Variants in LDLRAD4 observed in about 807,000 individuals in gnomAD.
LDLRAD4 encodes the protein low density lipoprotein receptor class A domain containing 4.
In LDLRAD4, 5 loss-of-function variants were observed where a neutral mutation model predicts 17.0. That is an observed-to-expected ratio of 0.29 (90% CI 0.15 to 0.62). The LOEUF (loss-of-function observed/expected upper bound fraction) is 0.62. Among genes scored for constraint, LDLRAD4 ranks in the 20% least tolerant of loss-of-function variants. LDLRAD4 has a pLI of 0.84. For synonymous variants in LDLRAD4, 168 were observed against 171.8 expected (o/e 0.98, Z 0.17); for missense variants, 340 against 424.7 (o/e 0.80, Z 1.75).
At chr18:13,446,629 A>T (rs1395631750) in intron 3 of LDLRAD4, among the ~76,000 whole-genome samples, 1 of 152,196 alleles carries the variant, frequency 6.6e-6, no homozygotes, top group Admixed American at 6.5e-5. Flanking sequence ...ATGACCCAGA[A>T]GCCAGCTCTC....
chr18:13,281,793 A>G (rs894876733), intron 1 of LDLRAD4, among the ~76,000 whole-genome samples: 7 of 151,620 alleles, frequency 4.6e-5, no homozygotes, highest in Non-Finnish European at 8.8e-5. Context: ...CTCCTCCCGG[A>G]CCTCTGTCTA....
intron 3 of LDLRAD4, chr18:13,561,401 A>G (rs144471962): frequency 1.1e-4 from 17 of 152,336 alleles, no homozygotes; most frequent in African/African-American, 3.8e-4. Context: ...GCAACTCCTT[A>G]AGATCTTGCC....
At chr18:13,293,390 T>C (rs2046080323) in intron 1 of LDLRAD4, among the ~76,000 whole-genome samples, 1 of 152,208 alleles carries the variant, frequency 6.6e-6, no homozygotes, top group Non-Finnish European at 1.5e-5. Flanking sequence ...ATTTTATGGC[T>C]TCTGTTTCCC....
intron 4 of LDLRAD4, among the ~76,000 whole-genome samples, chr18:13,636,789 C>T (rs1037706948): frequency 2.0e-5 from 3 of 149,794 alleles, no homozygotes; most frequent in Non-Finnish European, 3.0e-5. Flanking sequence ...CGTAAACCAC[C>T]GCACCCAGCA....
chr18:13,407,058 TAAAC>T (rs898221773), intron 2 of LDLRAD4, among the ~76,000 whole-genome samples: 6 of 152,208 alleles, frequency 3.9e-5, no homozygotes, highest in African/African-American at 1.4e-4. Context: ...GACGGAATAG[TAAAC>T]AAAGTGCGTG....
At position 13,325,345 on chromosome 18, in the gene LDLRAD4, C is replaced by A. The variant is rs141953579; in HGVS notation, c.-383+47157C>A. Among the ~76,000 whole-genome samples the A allele has an allele frequency of 4.6e-4, 70 of 152,320 alleles. 2 individuals carry two copies. In the East Asian group the frequency reaches 0.012, roughly 26 times the overall value. On this transcript the variant is annotated intron_variant, in intron 1 of 5. Coordinates refer to ENST00000359446, the Ensembl canonical transcript of LDLRAD4. ...CAGAGCTTTGATCCCTCAAGGAAGA[C>A]GCAGAGTAGGATTTCAAGAGGTGGA...
intron 3 of LDLRAD4, among the ~76,000 whole-genome samples, chr18:13,609,518 CGTGT>C (rs755496113): frequency 6.8e-5 from 8 of 117,412 alleles, no homozygotes; most frequent in African/African-American, 2.6e-4. Context: ...GCTCATTATG[CGTGT>C]GTGTGTGCGT....
chr18:13,274,011 T>C (rs115825359), upstream of LDLRAD4, among the ~76,000 whole-genome samples: 366 of 152,272 alleles, frequency 2.4e-3, no homozygotes, highest in African/African-American at 8.3e-3. Context: ...GATGCCCCGA[T>C]GCCTGGTGCC....
At chr18:13,258,745 T>C (rs140914327) in intron 1 of LDLRAD4, among the ~76,000 whole-genome samples, 1 of 152,356 alleles carries the variant, frequency 6.6e-6, no homozygotes, top group East Asian at 1.9e-4. Flanking sequence ...TGATGTTTCT[T>C]CCTGGCTTAG....
intron 2 of LDLRAD4, among the ~76,000 whole-genome samples, chr18:13,412,204 A>G (rs2088437125): frequency 6.6e-6 from 1 of 152,208 alleles, no homozygotes. Flanking sequence ...GACAGTAGTC[A>G]GATCAGTGGC....
chr18:13,480,035 A>G (rs1193960356), intron 3 of LDLRAD4, among the ~76,000 whole-genome samples: 3 of 152,212 alleles, frequency 2.0e-5, no homozygotes, highest in Admixed American at 6.5e-5. Context: ...TAATCTTACC[A>G]TATGATCCAA....
chr18:13,490,686 A>C, intron 3 of LDLRAD4: 1 of 152,202 alleles, frequency 6.6e-6, no homozygotes, highest in South Asian at 2.1e-4. Flanking sequence ...ACTCTCTTCA[A>C]CCTTACCTCA....
At chr18:13,636,667 T>A (rs2042111366) in intron 4 of LDLRAD4, among the ~76,000 whole-genome samples, 1 of 151,964 alleles carries the variant, frequency 6.6e-6, no homozygotes, top group Non-Finnish European at 1.5e-5. Flanking sequence ...AGCTAAATTT[T>A]TTTTGTATTT....
intron 1 of LDLRAD4, among the ~76,000 whole-genome samples, chr18:13,263,374 A>G (rs539334245): frequency 4.6e-5 from 7 of 151,592 alleles, no homozygotes; most frequent in Non-Finnish European, 5.9e-5. Context: ...GTGCGACTCT[A>G]TGTGTGGGGC....
chr18:13,471,161 A>G (rs1316333710), intron 3 of LDLRAD4: 3 of 152,248 alleles, frequency 2.0e-5, no homozygotes, highest in Non-Finnish European at 4.4e-5. Context: ...TGGCCTTTCT[A>G]ACTGGCTTGT....
intron 1 of LDLRAD4, among the ~76,000 whole-genome samples, chr18:13,296,521 C>T (rs1328188462): frequency 6.6e-6 from 1 of 151,838 alleles, no homozygotes; most frequent in Non-Finnish European, 1.5e-5. Context: ...TTTTCCTTTT[C>T]CAGTAAGGAC....
intron 1 of LDLRAD4, among the ~76,000 whole-genome samples, chr18:13,335,250 A>T (rs954182772): frequency 1.3e-5 from 2 of 152,222 alleles, no homozygotes; most frequent in African/African-American, 4.8e-5. Flanking sequence ...TACCATGAGC[A>T]TTGGTGTCGA....
In LDLRAD4 at chr18:13,406,791, G is replaced by A. The variant is rs1346398677; in HGVS notation, c.40+19029G>A. ...AGTGGTCCCCTCATGCACCTGCTGA[G>A]GGGCCTCTGCACACTCACGGGAGGA... On this transcript the variant is annotated intron_variant, in intron 2 of 5. Transcript: ENST00000359446. 3.3e-5 allele frequency among the ~76,000 whole-genome samples: 5 copies of A among 152,270 alleles called. No homozygotes were observed. The South Asian group carries it at 1.0e-3, about 32-fold the overall frequency.
chr18:13,313,097 T>C (rs1304100251), intron 1 of LDLRAD4, among the ~76,000 whole-genome samples: 1 of 152,204 alleles, frequency 6.6e-6, no homozygotes, highest in African/African-American at 2.4e-5. Context: ...GCAGGTCACA[T>C]GCTAAAGAGG....
Sources: gnomAD v4.1 joint callset for allele counts (sites outside exome capture counted in the v4.1 genomes callset) on GRCh38, gnomAD v4.1.1 for gene constraint, MANE v1.5 for transcripts, NCBI Gene and HGNC (gene_info 2026-07-23, HGNC 2026-07-21) for gene names.